Variants in BTRC observed in about 807,000 individuals in gnomAD.
BTRC encodes F-box/WD repeat-containing protein 1A.
In BTRC, 42 loss-of-function variants were observed where a neutral mutation model predicts 85.5. The ratio of observed to expected loss-of-function variants is 0.49; its 90% CI spans 0.38 to 0.64. The LOEUF is 0.64. BTRC is among the 30% of genes least tolerant of loss of function. The pLI is 0.00. For synonymous variants in BTRC, 255 were observed against 263.3 expected (o/e 0.97, Z 0.30); for missense variants, 594 against 743.5 (o/e 0.80, Z 2.34).
chr10:101,448,265 A>C (rs561610504), intron 2 of BTRC, among the ~76,000 whole-genome samples: 1 of 152,230 alleles, frequency 6.6e-6, no homozygotes, highest in Non-Finnish European at 1.5e-5. Context: ...TGGAGAAAAA[A>C]CATCTTTTAA....
intron 1 of BTRC, among the ~76,000 whole-genome samples, chr10:101,375,266 GCC>G (rs1564735445): frequency 6.6e-6 from 1 of 151,744 alleles, no homozygotes; most frequent in South Asian, 2.1e-4. Context: ...CACCTTCTCT[GCC>G]CCCCTCTCTT....
chr10:101,421,648 GA>G (rs1278202830), intron 1 of BTRC, among the ~76,000 whole-genome samples: 28 of 110,664 alleles, frequency 2.5e-4, no homozygotes, highest in African/African-American at 1.0e-3. Context: ...AACAGGCCCT[GA>G]TGTGTGATGT....
intron 2 of BTRC, among the ~76,000 whole-genome samples, chr10:101,454,107 AAAAAC>A (rs889143348): frequency 6.2e-5 from 9 of 144,120 alleles, no homozygotes; most frequent in African/African-American, 9.9e-5. Flanking sequence ...CTCTGCTATT[AAAAAC>A]AAAACAAAAC....
chr10:101,413,369 A>G (rs1400868533), intron 1 of BTRC, among the ~76,000 whole-genome samples: 4 of 152,084 alleles, frequency 2.6e-5, no homozygotes, highest in Non-Finnish European at 5.9e-5. Context: ...GCTGGAGTGC[A>G]GTGGTGCAAT....
At position 101,430,464 on chromosome 10, in the gene BTRC, G is replaced by C. The variant is rs754682336; in HGVS notation, c.156+12G>C. On this transcript the variant is annotated intron_variant, in intron 2 of 14. Coordinates refer to ENST00000370187, the MANE Select transcript of BTRC (RefSeq NM_033637.4). ...TCACAGCTTTCCAGGTACTTTCTCT[G>C]TCTCTGTGGGTTATTTGCGGGCATT... 3.7e-6 allele frequency: 6 copies of C among 1,607,416 alleles called. No individual in the cohort carries two copies. The Admixed American group carries it at 8.4e-5, about 22-fold the overall frequency.
chr10:101,512,956 G>C (rs192264978), intron 4 of BTRC, among the ~76,000 whole-genome samples: 31 of 152,328 alleles, frequency 2.0e-4, no homozygotes, highest in Non-Finnish European at 7.4e-5. Context: ...AGTAGTGGTT[G>C]AGTCATCAGG....
chr10:101,357,247 C>G (rs1249522482), intron 1 of BTRC, among the ~76,000 whole-genome samples: 4 of 151,590 alleles, frequency 2.6e-5, no homozygotes, highest in African/African-American at 9.7e-5. Flanking sequence ...TTGAGACCAT[C>G]CTGGCCAACA....
chr10:101,504,778 A>G (rs72841819), intron 4 of BTRC, among the ~76,000 whole-genome samples: 3,646 of 151,246 alleles, frequency 0.024, 72 homozygotes, highest in Non-Finnish European at 0.04. Context: ...ACAATAACCT[A>G]TAATTCTCTG....
intron 2 of BTRC, among the ~76,000 whole-genome samples, chr10:101,441,946 C>G (rs1010119646): frequency 1.7e-4 from 25 of 148,672 alleles, no homozygotes; most frequent in African/African-American, 5.7e-4. Context: ...GTTTTGAACA[C>G]AATTTAAATA....
rs1451121451 is a variant in BTRC, at chr10:101,366,869, AATATATATTT to A, written c.48+12671_48+12680del. 2.9e-3 allele frequency among the ~76,000 whole-genome samples: 62 copies of A among 21,482 alleles called. 4 individuals carry two copies. Among genetic ancestry groups the A allele is most frequent in the African/African-American group, 4.3e-3 (41 of 9,546 alleles). 14.1% of individuals were successfully genotyped at this position (21,482 alleles called of 152,430 possible). On this transcript the variant is annotated intron_variant, in intron 1 of 14. Coordinates refer to ENST00000370187, the MANE Select transcript of BTRC (RefSeq NM_033637.4). Reference sequence around the variant, plus strand: ...GTATATTAATATATATTTATATATTAATATATATTTATATATATTTATATATATTTATATA... The same window carrying A: ...GTATATTAATATATATTTATATATTAATATATATTTATATATATTTATATA...
At chr10:101,539,463 G>A (rs1201882439) in intron 13 of BTRC, among the ~76,000 whole-genome samples, 4 of 152,048 alleles carry the variant, frequency 2.6e-5, no homozygotes, top group East Asian at 1.9e-4. Flanking sequence ...TATAAGACAG[G>A]GTCTTCCTCT....
chr10:101,366,986 A>G (rs1181752245), intron 1 of BTRC, among the ~76,000 whole-genome samples: 1 of 65,034 alleles, frequency 1.5e-5, no homozygotes, highest in South Asian at 3.4e-4. Context: ...TTATATATTT[A>G]TATATATTAA....
intron 7 of BTRC, among the ~76,000 whole-genome samples, chr10:101,532,018 T>C (rs556394138): frequency 1.3e-5 from 2 of 152,368 alleles, no homozygotes; most frequent in African/African-American, 4.8e-5. Flanking sequence ...TCGTAGCTTT[T>C]CTTCTCTTGA....
chr10:101,420,957 A>T (rs566832909), intron 1 of BTRC, among the ~76,000 whole-genome samples: 1 of 150,976 alleles, frequency 6.6e-6, no homozygotes, highest in East Asian at 1.9e-4. Flanking sequence ...TGTAATCGCT[A>T]CAGGTTTATA....
intron 4 of BTRC, among the ~76,000 whole-genome samples, chr10:101,519,015 A>G (rs2134358366): frequency 6.6e-6 from 1 of 150,484 alleles, no homozygotes; most frequent in African/African-American, 2.4e-5. Context: ...AAATCAATCA[A>G]GGTGTTGGGC....
chr10:101,528,018 C>T (rs2134396375), intron 6 of BTRC, among the ~76,000 whole-genome samples: 1 of 152,224 alleles, frequency 6.6e-6, no homozygotes, highest in South Asian at 2.1e-4. Flanking sequence ...CTTGGGGATA[C>T]AGCAGGCAGT....
chr10:101,520,944 C>T (rs969780826), intron 4 of BTRC, among the ~76,000 whole-genome samples: 6 of 152,014 alleles, frequency 3.9e-5, no homozygotes, highest in Admixed American at 1.3e-4. Flanking sequence ...GCCTGGGCGA[C>T]AGAGCAAGAC....
intron 4 of BTRC, among the ~76,000 whole-genome samples, chr10:101,517,125 G>A (rs1339685161): frequency 6.6e-6 from 1 of 152,146 alleles, no homozygotes; most frequent in East Asian, 1.9e-4. Context: ...CAAGGCCTGT[G>A]TCCAACAAGG....
At chr10:101,495,141 A>G (rs970712727) in intron 4 of BTRC, among the ~76,000 whole-genome samples, 3 of 152,222 alleles carry the variant, frequency 2.0e-5, no homozygotes, top group Admixed American at 6.5e-5. Flanking sequence ...CTCTTAGACA[A>G]TACTACAGGT....
Sources: allele counts gnomAD v4.1 joint callset (sites outside exome capture counted in the v4.1 genomes callset), GRCh38; gene constraint gnomAD v4.1.1; transcripts MANE v1.5; gene names NCBI Gene and HGNC (gene_info 2026-07-23, HGNC 2026-07-21).